RABGEF1: variants seen among roughly 807,000 people sequenced by gnomAD.
RABGEF1 encodes rab5 GDP/GTP exchange factor.
A neutral mutation model predicts 57.3 loss-of-function variants in RABGEF1; 26 were observed. The ratio of observed to expected loss-of-function variants is 0.45; its 90% CI spans 0.33 to 0.63. RABGEF1 has a LOEUF of 0.63. Ranked by LOEUF, RABGEF1 falls within the 20% of genes least tolerant of loss-of-function variation. RABGEF1 has a pLI of 0.02. For synonymous variants in RABGEF1, 185 were observed against 210.7 expected (o/e 0.88, Z 1.06); for missense variants, 464 against 607.6 (o/e 0.76, Z 2.48).
upstream of RABGEF1, among the ~76,000 whole-genome samples, chr7:66,677,403 T>A (rs552060784): frequency 9.5e-4 from 144 of 152,034 alleles, no homozygotes; most frequent in Non-Finnish European, 1.8e-3. Flanking sequence ...GAGACCCCTA[T>A]CTCTATAAAA....
At chr7:66,705,418 CAG>C (rs1336841110) in intron 1 of RABGEF1, among the ~76,000 whole-genome samples, 1 of 122,064 alleles carries the variant, frequency 8.2e-6, no homozygotes, top group Non-Finnish European at 1.6e-5. Flanking sequence ...GCCTGGGCAA[CAG>C]AGCGAAACTC....
chr7:66,698,334 G>A (rs987895179), intron 1 of RABGEF1, among the ~76,000 whole-genome samples: 2 of 152,138 alleles, frequency 1.3e-5, no homozygotes, highest in Non-Finnish European at 2.9e-5. Context: ...AGAACCCCCA[G>A]GGCAAGGCCT....
rs541014660 is a variant in RABGEF1 at position 66,795,567 on chromosome 7, C to T, written c.570C>T (p.Ala190=). The T allele has an allele frequency of 1.9e-5, 31 of 1,610,854 alleles. No homozygotes were observed. In the South Asian group the frequency reaches 2.3e-4, roughly 12 times the overall value. The change falls in exon 5 of 9, where the codon GCC becomes GCT. Residue 190 remains alanine (A), a synonymous_variant. Transcript: ENST00000284957. ...CTCAGGATTTCTACCACAATGTGGC[C>T]GAAAGGATGCAAACTCGTGGGAAAG... ...ECAQDFYHNV[A]ERMQTRGKVP...
At chr7:66,704,457 C>T (rs536886477) in intron 1 of RABGEF1, among the ~76,000 whole-genome samples, 1 of 152,164 alleles carries the variant, frequency 6.6e-6, no homozygotes, top group Admixed American at 6.5e-5. Context: ...ATCTATTTTC[C>T]CAAGTGGTTG....
At chr7:66,717,981 G>A (rs1248045256) in intron 2 of RABGEF1, among the ~76,000 whole-genome samples, 1 of 152,056 alleles carries the variant, frequency 6.6e-6, no homozygotes, top group East Asian at 1.9e-4. Context: ...TATCTATTTG[G>A]TTCTTTTTTG....
intron 1 of RABGEF1, among the ~76,000 whole-genome samples, chr7:66,683,729 T>TATTC (rs554912563): frequency 0.019 from 753 of 40,336 alleles, no homozygotes; most frequent in Non-Finnish European, 0.027. Flanking sequence ...AGGAGGTGCT[T>TATTC]ATTTATTTAT....
intron 2 of RABGEF1, among the ~76,000 whole-genome samples, chr7:66,714,515 A>G (rs1289034365): frequency 6.6e-6 from 1 of 152,134 alleles, no homozygotes; most frequent in Admixed American, 6.6e-5. Context: ...ATCTTTTCAA[A>G]GAATCAGCTT....
At chr7:66,684,117 G>C (rs1790215522) in intron 1 of RABGEF1, among the ~76,000 whole-genome samples, 2 of 152,268 alleles carry the variant, frequency 1.3e-5, no homozygotes, top group East Asian at 3.9e-4. Context: ...ACAGAACCAG[G>C]GAAGGGTTTT....
At chr7:66,691,928 G>T (rs531676316) in intron 1 of RABGEF1, among the ~76,000 whole-genome samples, 4 of 152,108 alleles carry the variant, frequency 2.6e-5, no homozygotes, top group African/African-American at 9.6e-5. Context: ...GTGCTGGCAC[G>T]CATCTGTAGT....
intron 2 of RABGEF1, among the ~76,000 whole-genome samples, chr7:66,714,260 C>G (rs189177601): frequency 4.3e-4 from 65 of 152,166 alleles, no homozygotes; most frequent in Non-Finnish European, 7.4e-4. Flanking sequence ...GGGACTATTC[C>G]CATTCTCTGT....
intron 1 of RABGEF1, among the ~76,000 whole-genome samples, chr7:66,751,228 A>G (rs1276690923): frequency 6.6e-6 from 1 of 152,032 alleles, no homozygotes; most frequent in Non-Finnish European, 1.5e-5. Context: ...ACGGGGTTTC[A>G]CCGTGTTAGC....
chr7:66,760,597 TC>T (rs933645209), intron 1 of RABGEF1, among the ~76,000 whole-genome samples: 9 of 151,920 alleles, frequency 5.9e-5, no homozygotes, highest in African/African-American at 1.9e-4. Flanking sequence ...GTGCATGCCA[TC>T]ATGCCCGGCT....
the RABGEF1 span, among the ~76,000 whole-genome samples, chr7:66,656,690 C>T: frequency 3.8e-4 from 57 of 151,992 alleles, no homozygotes; most frequent in East Asian, 9.5e-3. Flanking sequence ...TGTGATGGCA[C>T]CTGCTTGTAA....
chr7:66,658,430 G>A, the RABGEF1 span, among the ~76,000 whole-genome samples: 1 of 151,810 alleles, frequency 6.6e-6, no homozygotes, highest in Non-Finnish European at 1.5e-5. Flanking sequence ...CAACTCAGGA[G>A]GCTGAGGCAG....
intron 2 of RABGEF1, among the ~76,000 whole-genome samples, chr7:66,735,170 C>A (rs1391216701): frequency 1.3e-5 from 2 of 152,156 alleles, no homozygotes; most frequent in Non-Finnish European, 2.9e-5. Flanking sequence ...TTCCTCCCCC[C>A]TCAAATGCCT....
chr7:66,789,982 A>C (rs1406215208), intron 4 of RABGEF1, among the ~76,000 whole-genome samples: 2 of 152,212 alleles, frequency 1.3e-5, no homozygotes, highest in Non-Finnish European at 2.9e-5. Flanking sequence ...CTCTACGGAC[A>C]AGATACTCAT....
At chr7:66,744,474 C>T (rs975983109) in intron 1 of RABGEF1, among the ~76,000 whole-genome samples, 2 of 151,834 alleles carry the variant, frequency 1.3e-5, no homozygotes, top group Non-Finnish European at 2.9e-5. Context: ...CAAGACCATC[C>T]TGGCTAACAC....
chr7:66,728,916 C>G (rs898940182), intron 2 of RABGEF1, among the ~76,000 whole-genome samples: 1 of 10,208 alleles, frequency 9.8e-5, no homozygotes, highest in Non-Finnish European at 2.1e-4. Context: ...TCACCTGCAT[C>G]TTCACCTCCA....
chr7:66,674,423 GGT>G, the RABGEF1 span, among the ~76,000 whole-genome samples: 1 of 151,868 alleles, frequency 6.6e-6, no homozygotes, highest in African/African-American at 2.4e-5. Context: ...CCTGAGCTCA[GGT>G]GATCCACCCA....
Sources: allele counts gnomAD v4.1 joint callset (sites outside exome capture counted in the v4.1 genomes callset), GRCh38; gene constraint gnomAD v4.1.1; transcripts MANE v1.5; gene names NCBI Gene and HGNC (gene_info 2026-07-23, HGNC 2026-07-21).